Variants in CCDC85C observed in about 807,000 individuals in gnomAD.
CCDC85C encodes the protein coiled-coil domain containing 85C.
In CCDC85C, 18 loss-of-function variants were observed where a neutral mutation model predicts 38.3. That is an observed-to-expected ratio of 0.47 (90% confidence interval 0.33 to 0.70). CCDC85C has a LOEUF of 0.70. Among genes scored for constraint, CCDC85C ranks in the 30% least tolerant of loss-of-function variants. CCDC85C has a pLI of 0.03. For missense variants in CCDC85C, 566 were observed against 621.2 expected (o/e 0.91, Z 0.94); for synonymous variants, 264 against 293.8 (o/e 0.90, Z 1.04).
At chr14:99,534,586 T>C in intron 2 of CCDC85C, 1 of 701,852 alleles carries the variant, frequency 1.4e-6, no homozygotes, top group Non-Finnish European at 2.6e-6. Flanking sequence ...CTGCCTCTCC[T>C]ACACACTGCA....
At chr14:99,580,675 G>A (rs1447951757) in intron 1 of CCDC85C, among the ~76,000 whole-genome samples, 1 of 152,070 alleles carries the variant, frequency 6.6e-6, no homozygotes, top group East Asian at 1.9e-4. Context: ...GACCAGCCTG[G>A]CCAACATGGT....
intron 1 of CCDC85C, among the ~76,000 whole-genome samples, chr14:99,568,221 A>AGAC (rs1165385682): frequency 1.4e-5 from 2 of 146,182 alleles, no homozygotes; most frequent in African/African-American, 5.1e-5. Flanking sequence ...GGGAAGCCAC[A>AGAC]GACACTCTCT....
At chr14:99,515,833 G>A (rs1402511407) in intron 5 of CCDC85C, among the ~76,000 whole-genome samples, 1 of 151,956 alleles carries the variant, frequency 6.6e-6, no homozygotes, top group East Asian at 1.9e-4. Flanking sequence ...GCCACAGGGG[G>A]CACCAGCAAG....
In CCDC85C at chr14:99,603,456, G is replaced by A. The variant is rs1364847166; in HGVS notation, c.504C>T (p.Gly168=). ...GGGAGCCGGCGCCGCCCCCGCCGCC[G>A]CCGCCACCGCTTGCGGCCCCCGTCG... ...LAATGAASGG[G]GGGGGAGSRS... Residue 168 remains glycine, a synonymous_variant, in exon 1 of 6, where the codon GGC becomes GGT. Coordinates refer to ENST00000380243, the MANE Select transcript of CCDC85C (RefSeq NM_001144995.2). The surrounding 1 kb of genome is among the most constrained non-coding windows in gnomAD (Gnocchi z 7.5). 1.6e-6 allele frequency: 2 copies of A among 1,278,050 alleles called. No individual in the cohort carries two copies. Among genetic ancestry groups the A allele is most frequent in the South Asian group, 2.7e-5 (1 of 37,706 alleles). 79.2% of individuals were successfully genotyped at this position (1,278,050 alleles called of 1,614,324 possible). A position where few individuals can be genotyped will look rare whatever the true frequency, so the allele number is the denominator to read the frequency against.
intron 3 of CCDC85C, among the ~76,000 whole-genome samples, chr14:99,519,519 T>A (rs894208152): frequency 5.9e-5 from 9 of 152,088 alleles, no homozygotes; most frequent in African/African-American, 2.2e-4. Context: ...CCCAAGTCTG[T>A]GGGACTCCTG....
Position 99,565,393 on chromosome 14 carries a change from AG to A in CCDC85C, c.794-29306del, listed in dbSNP as rs200277539. 3.9e-5 allele frequency among the ~76,000 whole-genome samples: 6 copies of A among 152,352 alleles called. No individual in the cohort carries two copies. In the East Asian group the frequency reaches 1.2e-3, roughly 29 times the overall value. Reference sequence around the variant, plus strand: ...TGCAATGCCTGGCACAATGTGGAGAAGGGAAGGAGGAGGAGGAAAGCCTTCA... The same window carrying A: ...TGCAATGCCTGGCACAATGTGGAGAAGGAAGGAGGAGGAGGAAAGCCTTCA... On this transcript the variant is annotated intron_variant, in intron 1 of 5. Transcript: ENST00000380243.
rs538664086 is a variant in CCDC85C at position 99,558,154 on chromosome 14, G to A, written c.794-22066C>T. ...TCCTTGAAACCACGAGGTTTCCAGT[G>A]TGGACTGATGGCAGAGAACTCAGCC... On this transcript the variant is annotated intron_variant, in intron 1 of 5. Transcript: ENST00000380243. The surrounding 1 kb of genome is among the most constrained non-coding windows in gnomAD (Gnocchi z 4.2). Among the ~76,000 whole-genome samples, 4 of 152,284 alleles carry A rather than the reference G, an allele frequency of 2.6e-5. No individual in the cohort carries two copies. The highest frequency in any genetic ancestry group is 9.6e-5 in the African/African-American group (4 of 41,536).
At chr14:99,575,266 G>A (rs1898449383) in intron 1 of CCDC85C, among the ~76,000 whole-genome samples, 1 of 152,200 alleles carries the variant, frequency 6.6e-6, no homozygotes, top group South Asian at 2.1e-4. Context: ...ACTGCGCCAG[G>A]GGAGTGCCAA....
At chr14:99,563,012 A>C (rs1384572670) in intron 1 of CCDC85C, among the ~76,000 whole-genome samples, 1 of 152,122 alleles carries the variant, frequency 6.6e-6, no homozygotes, top group Non-Finnish European at 1.5e-5. Context: ...GCAGCCACTT[A>C]CTCTCGAGCC....
At chr14:99,562,516 C>T (rs1898136617) in intron 1 of CCDC85C, among the ~76,000 whole-genome samples, 1 of 152,238 alleles carries the variant, frequency 6.6e-6, no homozygotes, top group Admixed American at 6.5e-5. Context: ...CAGTTGGCCA[C>T]AGCCACATAG....
Position 99,529,348 on chromosome 14 carries a change from A to G in CCDC85C, c.867+6667T>C, listed in dbSNP as rs1446017863. Among the ~76,000 whole-genome samples the G allele has an allele frequency of 1.2e-4, 18 of 151,738 alleles. No homozygotes were observed. The East Asian group carries it at 3.5e-3, about 29-fold the overall frequency. ...GAGGGACAGGCCTGTGGGAGCTTTG[A>G]GGTGTGCAGTTTTGTGTGTGTGTGT... On this transcript the variant is annotated intron_variant, in intron 2 of 5. Transcript: ENST00000380243.
At chr14:99,589,942 C>T (rs867021903) in intron 1 of CCDC85C, among the ~76,000 whole-genome samples, 13 of 152,238 alleles carry the variant, frequency 8.5e-5, no homozygotes, top group Admixed American at 2.0e-4. Flanking sequence ...GGGCAGACCC[C>T]GGGGATGGCT....
intron 1 of CCDC85C, among the ~76,000 whole-genome samples, chr14:99,567,779 C>CCATT (rs1373941236): frequency 6.6e-6 from 1 of 152,122 alleles, no homozygotes; most frequent in Non-Finnish European, 1.5e-5. Context: ...GAGCCTAGAT[C>CCATT]GCACCATTGC....
rs140571627 is a variant in CCDC85C at position 99,589,244 on chromosome 14, G to C, written c.793+13923C>G. ...AGTGAGCCCTGAGGACAGCAGGCAG[G>C]GGGGAGCACACAGCCACGGCCCAGA... On this transcript the variant is annotated intron_variant, in intron 1 of 5. Coordinates refer to ENST00000380243, the MANE Select transcript of CCDC85C (RefSeq NM_001144995.2). 7.4e-3 allele frequency among the ~76,000 whole-genome samples: 1,130 copies of C among 151,872 alleles called. 9 individuals carry two copies. Among genetic ancestry groups the C allele is most frequent in the African/African-American group, 0.025 (1,027 of 41,338 alleles).
chr14:99,587,960 G>C (rs1004330320), intron 1 of CCDC85C, among the ~76,000 whole-genome samples: 2 of 152,150 alleles, frequency 1.3e-5, no homozygotes, highest in South Asian at 4.1e-4. Context: ...TGTTCTCGTG[G>C]AGAACGTGGC....
Position 99,533,426 on chromosome 14 carries a change from AT to A in CCDC85C, c.867+2588del, listed in dbSNP as rs1897531083. Among the ~76,000 whole-genome samples, 1 of 152,212 alleles carries A rather than the reference AT, an allele frequency of 6.6e-6. No individual in the cohort carries two copies. Among genetic ancestry groups the A allele is most frequent in the Admixed American group, 6.5e-5 (1 of 15,288 alleles). On this transcript the variant is annotated intron_variant, in intron 2 of 5. Transcript: ENST00000380243. The surrounding 1 kb of genome is among the most constrained non-coding windows in gnomAD (Gnocchi z 4.2). ...TGGGCATCATTTGGTGAGAAAGCAA[AT>A]TTCTGCTAAAGAAACAAAATACTTT...
Position 99,544,337 on chromosome 14 carries a change from C to T in CCDC85C, c.794-8249G>A, listed in dbSNP as rs1168238019. Among the ~76,000 whole-genome samples, 7 of 152,150 alleles carry T rather than the reference C, an allele frequency of 4.6e-5. No individual in the cohort carries two copies. The highest frequency in any genetic ancestry group is 8.8e-5 in the Non-Finnish European group (6 of 68,028). Reference sequence around the variant, plus strand: ...GACCCTGGGCCTCTCAAGACATCATCACCATGGTTGTCAGGGCTGTTCATT... The same window carrying T: ...GACCCTGGGCCTCTCAAGACATCATTACCATGGTTGTCAGGGCTGTTCATT... On this transcript the variant is annotated intron_variant, in intron 1 of 5. Transcript: ENST00000380243. The surrounding 1 kb of genome is among the most constrained non-coding windows in gnomAD (Gnocchi z 5.3).
At position 99,592,328 on chromosome 14, in the gene CCDC85C, A is replaced by G. The variant is rs148532023; in HGVS notation, c.793+10839T>C. 2.0e-5 allele frequency among the ~76,000 whole-genome samples: 3 copies of G among 152,198 alleles called. No individual in the cohort carries two copies. In the East Asian group the frequency reaches 5.8e-4, roughly 29 times the overall value. ...AGGCAGGGGAGCAGGAGTGCAGGGG[A>G]GAGAGGAAGGGACCCAAACCCAGAA... On this transcript the variant is annotated intron_variant, in intron 1 of 5. Transcript: ENST00000380243.
At position 99,503,158 on chromosome 14, in the gene CCDC85C, G is replaced by A; in HGVS notation, c.*12088C>T. On this transcript the variant is annotated 3_prime_UTR_variant, in exon 6 of 6. Coordinates refer to ENST00000380243, the MANE Select transcript of CCDC85C (RefSeq NM_001144995.2). ...GAGCCTGAAAACAAAGGTGCTCCAA[G>A]GACAGGCTGCCTCTGAGAACCAGGA... 1 of 775,176 alleles carries A rather than the reference G, an allele frequency of 1.3e-6. No individual in the cohort carries two copies. The highest frequency in any genetic ancestry group is 2.2e-6 in the Non-Finnish European group (1 of 450,914). The allele number at this position is 775,176 out of a possible 1,614,324, so 48.0% of individuals were successfully genotyped here. A position where few individuals can be genotyped will look rare whatever the true frequency, so the allele number is the denominator to read the frequency against.
Sources: allele counts gnomAD v4.1 joint callset (sites outside exome capture counted in the v4.1 genomes callset), GRCh38; gene constraint gnomAD v4.1.1; non-coding constraint Gnocchi (gnomAD v3.1); transcripts MANE v1.5; gene names NCBI Gene and HGNC (gene_info 2026-07-23, HGNC 2026-07-21).